Variants in PLXNB2 observed in about 807,000 individuals in gnomAD.
PLXNB2 encodes the protein plexin-B2.
PLXNB2 carries 85 observed loss-of-function variants against 202.6 expected under a neutral mutation model. The ratio of observed to expected loss-of-function variants is 0.42; its 90% CI spans 0.35 to 0.50. The LOEUF is 0.50. Among genes scored for constraint, PLXNB2 ranks in the 20% least tolerant of loss-of-function variants. The probability of loss-of-function intolerance (pLI) is 0.02; values close to 1 mark genes in which losing one functional copy is unlikely to be tolerated. For missense variants in PLXNB2, 2,063 were observed against 2,586.2 expected (o/e 0.80, Z 4.39); for synonymous variants, 1,239 against 1,137.6 (o/e 1.09, Z -1.79).
rs2066170468 is a variant in PLXNB2, at chr22:50,283,458, A to G, written c.2571-13T>C. 6.2e-7 allele frequency: 1 copy of G among 1,611,600 alleles called. No individual in the cohort carries two copies. Among genetic ancestry groups the G allele is most frequent in the East Asian group, 2.2e-5 (1 of 44,842 alleles). ...CACACACACGATCCTGGCGGGCGAC[A>G]GGCAGTGTGGCCCAGGCACTCCCCG... is the stretch of plus-strand genomic sequence containing the variant. On this transcript the variant is annotated splice_polypyrimidine_tract_variant and intron_variant, in intron 15 of 36. Transcript: ENST00000359337.
intron 7 of PLXNB2, 104 bp downstream of exon 7, chr22:50,287,563 G>A: frequency 1.7e-6 from 2 of 1,172,228 alleles, no homozygotes; most frequent in South Asian, 1.5e-5. Context: ...AGGCGGGGGA[G>A]ATGTGGAGCC....
chr22:50,300,223 G>A, intron 1 of PLXNB2: 8 of 961,276 alleles, frequency 8.3e-6, no homozygotes, highest in Non-Finnish European at 8.7e-6. Flanking sequence ...AACAATGACG[G>A]CGGCGGCGAC....
chr22:50,284,125 C>T lies in PLXNB2; in HGVS notation c.2263+7G>A. 6.6e-7 allele frequency: 1 copy of T among 1,526,298 alleles called. No homozygotes were observed. The highest frequency in any genetic ancestry group is 8.9e-7 in the Non-Finnish European group (1 of 1,117,950). The allele number at this position is 1,526,298 out of a possible 1,614,324, so 94.5% of individuals were successfully genotyped here. On this transcript the variant is annotated splice_region_variant and intron_variant, in intron 13 of 36. Transcript: ENST00000359337. This position sits in a 1 kb window ranked among gnomAD's most constrained non-coding sequence, Gnocchi z 8.0. ...TGCCCGCCCCCCACTGCGCCCGTGGCCCCCACCATGGAGCTTGCTGTCGAT... is the reference window on the plus strand; with the variant it reads ...TGCCCGCCCCCCACTGCGCCCGTGGTCCCCACCATGGAGCTTGCTGTCGAT...
Position 50,277,728 on chromosome 22 carries a change from G to T in PLXNB2, c.5059C>A (p.Arg1687=). The change falls in exon 33 of 37, where the codon CGG becomes AGG. Residue 1687 remains arginine, a synonymous_variant. Transcript: ENST00000359337. ...HIWKTNSLPL[R]FWVNILKNPH... The stretch of plus-strand genomic sequence containing the variant: ...TTCTTGAGGATGTTCACCCAGAACC[G>T]GAGCGGTAAGCTGAGGCAGAGCAGC... The T allele has an allele frequency of 6.3e-7, 1 of 1,597,460 alleles. No homozygotes were observed. The highest frequency in any genetic ancestry group is 1.7e-4 in the Middle Eastern group (1 of 6,000).
rs370584398 is a variant in PLXNB2 at position 50,286,232 on chromosome 22, C to A, written c.1818G>T (p.Thr606=). 5 of 1,613,268 alleles carry A rather than the reference C, an allele frequency of 3.1e-6. No individual in the cohort carries two copies. The highest frequency in any genetic ancestry group is 8.5e-7 in the Non-Finnish European group (1 of 1,179,926). The change falls in exon 9 of 37, where the codon ACG becomes ACT. Residue 606 remains threonine (T), a synonymous_variant. Coordinates refer to ENST00000359337, the MANE Select transcript of PLXNB2 (RefSeq NM_012401.4). The part of the protein sequence containing the change: ...LLLRRGNIFL[T]SYQYPFYDCR... ...AGTCGTAGAAGGGGTACTGGTAGGA[C>A]GTGAGGAAGATGTTGCCTCGTCTAA... is the stretch of plus-strand genomic sequence containing the variant.
chr22:50,279,511 G>A (rs745428955), intron 27 of PLXNB2, 119 bp downstream of exon 27: 46 of 989,196 alleles, frequency 4.7e-5, no homozygotes, highest in African/African-American at 2.6e-4. Context: ...GCTGTAACTC[G>A]AATCCACAGA....
At chr22:50,307,193 G>A (rs763124384) in intron 1 of PLXNB2, among the ~76,000 whole-genome samples, 55 of 152,276 alleles carry the variant, frequency 3.6e-4, no homozygotes, top group Non-Finnish European at 6.0e-4. Context: ...TGAGCCTGGG[G>A]CCGGCCCGGA....
In PLXNB2 at chr22:50,278,226, C is replaced by T; in HGVS notation, c.4778G>A (p.Arg1593Gln). 1.9e-6 allele frequency: 3 copies of T among 1,610,336 alleles called. No homozygotes were observed. The highest frequency in any genetic ancestry group is 1.7e-5 in the Admixed American group (1 of 60,012). Residue 1593 changes from arginine to glutamine, a missense_variant, in exon 31 of 37, where the codon CGG (arginine) becomes CAG (glutamine). Coordinates refer to ENST00000359337, the MANE Select transcript of PLXNB2 (RefSeq NM_012401.4). ...GCCCTCGTCCACCTCGTCGGTCGGC[C>T]GCACCAGGTGCCACACCCGGTTCTC... The part of the protein sequence containing the change: ...EEENRVWHLV[R>Q]PTDEVDEGKS...
intron 34 of PLXNB2, 62 bp from the exon 35 acceptor site, chr22:50,276,766 A>C (rs968111056): frequency 6.2e-7 from 1 of 1,600,488 alleles, no homozygotes; most frequent in African/African-American, 1.3e-5. Context: ...GTGGTGGGGG[A>C]AACCAAGGCC....
At chr22:50,283,778 G>A (rs1569165149) in intron 14 of PLXNB2, 28 bp from the exon 15 acceptor site, 2 of 1,613,000 alleles carry the variant, frequency 1.2e-6, no homozygotes, top group Admixed American at 3.3e-5. Context: ...GGTGAGCAGG[G>A]AGGGGCTCAT....
Position 50,299,158 on chromosome 22 carries a change from G to A in PLXNB2, c.-73-4380C>T, listed in dbSNP as rs1452353540. Among the ~76,000 whole-genome samples, 5 of 152,168 alleles carry A rather than the reference G, an allele frequency of 3.3e-5. No homozygotes were observed. In the East Asian group the frequency reaches 9.6e-4, roughly 29 times the overall value. ...GGCAGCAGCCGCCATGAAGAACGAG[G>A]AGAGCTCGGGCCTAGGCCTGGGAGG... On this transcript the variant is annotated intron_variant, in intron 1 of 36. Transcript: ENST00000359337.
Position 50,284,721 on chromosome 22 carries a change from T to G in PLXNB2, c.2089-56A>C. 2 of 1,331,468 alleles carry G rather than the reference T, an allele frequency of 1.5e-6. No homozygotes were observed. The highest frequency in any genetic ancestry group is 2.2e-6 in the Non-Finnish European group (2 of 924,830). 82.5% of individuals were successfully genotyped at this position (1,331,468 alleles called of 1,614,324 possible). ...GGCGGCTGTGGCACCCTGGCCCTCC[T>G]CCCAGAACCCCTGCAGCCCCTCCTC... On this transcript the variant is annotated intron_variant, in intron 11 of 36. Transcript: ENST00000359337. The surrounding 1 kb of genome is among the most constrained non-coding windows in gnomAD (Gnocchi z 8.0).
chr22:50,292,211 G>A (rs1043415034), intron 2 of PLXNB2, among the ~76,000 whole-genome samples: 6 of 152,092 alleles, frequency 3.9e-5, no homozygotes, highest in African/African-American at 9.6e-5. Context: ...GCTGGCACCC[G>A]CCTGTAGTCT....
In PLXNB2 at chr22:50,298,592, G is replaced by A. The variant is rs529835951; in HGVS notation, c.-73-3814C>T. ...CTGCACTGCGGGGTGGTTCCAGTGG[G>A]GACTAAAATTGGGAGTTCTCTGCCT... is the stretch of plus-strand genomic sequence containing the variant. On this transcript the variant is annotated intron_variant, in intron 1 of 36. Transcript: ENST00000359337. Among the ~76,000 whole-genome samples, 4 of 152,290 alleles carry A rather than the reference G, an allele frequency of 2.6e-5. No homozygotes were observed. In the South Asian group the frequency reaches 8.3e-4, roughly 32 times the overall value.
At position 50,278,913 on chromosome 22, in the gene PLXNB2, G is replaced by A. The variant is rs1353613489; in HGVS notation, c.4488C>T (p.Asp1496=). 5 of 1,613,728 alleles carry A rather than the reference G, an allele frequency of 3.1e-6. No individual in the cohort carries two copies. Among genetic ancestry groups the A allele is most frequent in the Non-Finnish European group, 4.2e-6 (5 of 1,179,916 alleles). ...TISQVKEKII[D]QVYRGQPCSC... The stretch of plus-strand genomic sequence containing the variant: ...AGCAGGGCTGCCCACGGTACACCTG[G>A]TCAATGATCTTCTCCTTGACCTGGG... Residue 1496 remains aspartate (D), a synonymous_variant, in exon 28 of 37, where the codon GAC becomes GAT. Coordinates refer to ENST00000359337, the MANE Select transcript of PLXNB2 (RefSeq NM_012401.4).
rs1214013102 is a variant in PLXNB2 at position 50,275,728 on chromosome 22, C to T, written c.5493G>A (p.Leu1831=). 2 of 1,609,826 alleles carry T rather than the reference C, an allele frequency of 1.2e-6. No individual in the cohort carries two copies. Among genetic ancestry groups the T allele is most frequent in the Admixed American group, 3.3e-5 (2 of 59,896 alleles). ...AFRLQQIAAA[L]ENKVTDL Reference sequence around the variant, plus strand: ...GTCAGAGGTCAGTGACCTTGTTCTCCAGTGCAGCGGCAATCTGCTGCAGGC... The same window carrying T: ...GTCAGAGGTCAGTGACCTTGTTCTCTAGTGCAGCGGCAATCTGCTGCAGGC... Residue 1831 remains leucine (L), a synonymous_variant, in exon 37 of 37, where the codon CTG becomes CTA. Transcript: ENST00000359337.
Position 50,283,662 on chromosome 22 carries a change from C to T in PLXNB2, c.2510G>A (p.Arg837Lys), listed in dbSNP as rs376030784. The T allele has an allele frequency of 3.1e-6, 5 of 1,613,074 alleles. No homozygotes were observed. In the African/African-American group the frequency reaches 5.3e-5, roughly 17 times the overall value. The change falls in exon 15 of 37, where the codon AGG becomes AAG. Residue 837 changes from arginine to lysine, a missense_variant. Physicochemically the swap from Arg to Lys is conservative, Grantham distance 26 (BLOSUM62 2). Transcript: ENST00000359337. ...NLGVQAGDIQ[R>K]ISVAGRNCSF... The stretch of plus-strand genomic sequence containing the variant: ...GCAGTTCCGGCCGGCCACAGAGATC[C>T]TCTGGATGTCCCCTGCTTGGACGCC...
chr22:50,296,276 T>TAGCTTGAGCCCAG (rs1267030769), intron 1 of PLXNB2, among the ~76,000 whole-genome samples: 10 of 143,356 alleles, frequency 7.0e-5, no homozygotes, highest in African/African-American at 2.9e-4. Flanking sequence ...ACTGGCCGCG[T>TAGCTTGAGCCCAG]GTGGTGGTAC....
At chr22:50,277,025 G>A (rs1301037753) in intron 33 of PLXNB2, 119 bp from the exon 34 acceptor site, 7 of 731,632 alleles carry the variant, frequency 9.6e-6, no homozygotes, top group South Asian at 1.6e-5. Context: ...GAAAACTATG[G>A]GCCGGGCGCA....
Sources: gnomAD v4.1 joint callset for allele counts (sites outside exome capture counted in the v4.1 genomes callset) on GRCh38, gnomAD v4.1.1 for gene constraint, Gnocchi (gnomAD v3.1) non-coding constraint, MANE v1.5 for transcripts, NCBI Gene and HGNC (gene_info 2026-07-23, HGNC 2026-07-21) for gene names.